QSOX1: variants seen among roughly 807,000 people sequenced by gnomAD.
QSOX1 encodes the protein quiescin sulfhydryl oxidase 1.
A neutral mutation model predicts 76.1 loss-of-function variants in QSOX1; 40 were observed. That is an observed-to-expected ratio of 0.53 (90% CI 0.41 to 0.68). The LOEUF is 0.68. Among genes scored for constraint, QSOX1 ranks in the 30% least tolerant of loss-of-function variants. The probability of loss-of-function intolerance (pLI) is 0.00; values close to 1 mark genes in which losing one functional copy is unlikely to be tolerated. For synonymous variants in QSOX1, 392 were observed against 413.1 expected, an observed-to-expected ratio of 0.95 and a Z score of 0.62; for missense variants, 931 against 974.3, an observed-to-expected ratio of 0.96 and a Z score of 0.59.
rs562015822 is a variant in QSOX1, at chr1:180,188,095, C to T, written c.1018-1457C>T. Among the ~76,000 whole-genome samples, 27 of 152,322 alleles carry T rather than the reference C, an allele frequency of 1.8e-4. No individual in the cohort carries two copies. In the East Asian group the frequency reaches 4.8e-3, roughly 27 times the overall value. On this transcript the variant is annotated intron_variant, in intron 8 of 11. Transcript: ENST00000367602. ...GAAACAAAGCCCCAGAGAACTAAAG[C>T]ACCTTGCCAGGGTCTTCCAGCTAGT...
Position 180,197,521 on chromosome 1 carries a change from T to G in QSOX1, c.*484T>G. The G allele has an allele frequency of 2.0e-6, 2 of 983,186 alleles. No individual in the cohort carries two copies. Among genetic ancestry groups the G allele is most frequent in the Non-Finnish European group, 3.0e-6 (2 of 664,020 alleles). The allele number at this position is 983,186 out of a possible 1,614,324, so 60.9% of individuals were successfully genotyped here. A position where few individuals can be genotyped will look rare whatever the true frequency, so the allele number is the denominator to read the frequency against. On this transcript the variant is annotated 3_prime_UTR_variant, in exon 12 of 12. Transcript: ENST00000367602. ...GGACAATGAAGAAGCCTTTGCACCCTGGGAGGAAGGACCACCCCGGGCCCT... is the reference window on the plus strand; with the variant it reads ...GGACAATGAAGAAGCCTTTGCACCCGGGGAGGAAGGACCACCCCGGGCCCT...
intron 10 of QSOX1, 46 bp from the exon 11 acceptor site, chr1:180,194,167 C>T (rs1345941689): frequency 1.3e-6 from 2 of 1,549,414 alleles, no homozygotes; most frequent in East Asian, 2.4e-5. Flanking sequence ...GGCTGTGGGG[C>T]TGGCAGCCTG....
At chr1:180,191,906 G>C (rs1663324518) in intron 10 of QSOX1, among the ~76,000 whole-genome samples, 1 of 152,040 alleles carries the variant, frequency 6.6e-6, no homozygotes, top group African/African-American at 2.4e-5. Context: ...GGAGGTGTCT[G>C]TGCTGGTTTC....
Position 180,173,277 on chromosome 1 carries a change from C to T in QSOX1, c.367-2044C>T, listed in dbSNP as rs55700062. ...GCACCTGACCTGGTTTATTATTTGTCGGCAAACCAAACCCCAAATAGATGT... is the reference window on the plus strand; with the variant it reads ...GCACCTGACCTGGTTTATTATTTGTTGGCAAACCAAACCCCAAATAGATGT... On this transcript the variant is annotated intron_variant, in intron 2 of 11. Coordinates refer to ENST00000367602, the MANE Select transcript of QSOX1 (RefSeq NM_002826.5). Among the ~76,000 whole-genome samples the T allele has an allele frequency of 0.022, 3,367 of 151,964 alleles. 190 individuals carry two copies. The East Asian group carries it at 0.23, about 10-fold the overall frequency.
intron 4 of QSOX1, 150 bp downstream of exon 4, chr1:180,176,183 A>C: frequency 1.5e-6 from 1 of 646,470 alleles, no homozygotes; most frequent in Non-Finnish European, 2.7e-6. Flanking sequence ...TGCTGGAGCT[A>C]CTCCAGAACC....
intron 11 of QSOX1, among the ~76,000 whole-genome samples, chr1:180,195,464 G>T (rs1663449331): frequency 6.6e-6 from 1 of 152,186 alleles, no homozygotes; most frequent in African/African-American, 2.4e-5. Flanking sequence ...TCAACAACTT[G>T]TCCCCCTATT....
intron 10 of QSOX1, among the ~76,000 whole-genome samples, chr1:180,193,738 T>G (rs954391440): frequency 6.6e-6 from 1 of 150,914 alleles, no homozygotes; most frequent in Non-Finnish European, 1.5e-5. Flanking sequence ...CGAGGAGAGA[T>G]GGAGACAGAT....
rs1274880136 is a variant in QSOX1, at chr1:180,198,688, C to T, written c.*1651C>T. On this transcript the variant is annotated 3_prime_UTR_variant, in exon 12 of 12. Coordinates refer to ENST00000367602, the MANE Select transcript of QSOX1 (RefSeq NM_002826.5). ...GCTGGGCTCCTGGGTTGGACTCCCT[C>T]TCTGTGCCCCTGCTCCAGGCACCCA... The T allele has an allele frequency of 6.1e-6, 2 of 326,522 alleles. No individual in the cohort carries two copies. Among genetic ancestry groups the T allele is most frequent in the Admixed American group, 4.0e-5 (1 of 25,182 alleles). The allele number at this position is 326,522 out of a possible 1,614,324, so 20.2% of individuals were successfully genotyped here.
At chr1:180,186,365 C>A (rs537018814) in intron 8 of QSOX1, among the ~76,000 whole-genome samples, 183 bp downstream of exon 8, 1 of 152,266 alleles carries the variant, frequency 6.6e-6, no homozygotes, top group East Asian at 1.9e-4. Flanking sequence ...ATACCCCACA[C>A]CAGCCCCACA....
At chr1:180,170,247 T>C (rs534241769) in intron 2 of QSOX1, among the ~76,000 whole-genome samples, 2 of 152,158 alleles carry the variant, frequency 1.3e-5, no homozygotes, top group African/African-American at 2.4e-5. Flanking sequence ...GACTCCAGGA[T>C]GTCTCCTGTC....
chr1:180,196,953 C>G lies in QSOX1; in HGVS notation c.2160C>G (p.Ser720=). ...ISLCVGLYSL[S]FMGLLAMYTY... Reference sequence around the variant, plus strand: ...TCTGTGTGGGGCTCTATTCCCTGTCCTTCATGGGCCTGCTGGCCATGTACA... The same window carrying G: ...TCTGTGTGGGGCTCTATTCCCTGTCGTTCATGGGCCTGCTGGCCATGTACA... The change falls in exon 12 of 12, where the codon TCC becomes TCG. Residue 720 remains serine, a synonymous_variant. Transcript: ENST00000367602. The surrounding 1 kb of genome is among the most constrained non-coding windows in gnomAD (Gnocchi z 4.1). 6.2e-7 allele frequency: 1 copy of G among 1,609,926 alleles called. No homozygotes were observed. The highest frequency in any genetic ancestry group is 8.5e-7 in the Non-Finnish European group (1 of 1,177,500).
At chr1:180,172,121 C>T (rs949340046) in intron 2 of QSOX1, among the ~76,000 whole-genome samples, 2 of 152,202 alleles carry the variant, frequency 1.3e-5, no homozygotes, top group South Asian at 2.1e-4. Flanking sequence ...TGCGGTTACT[C>T]GAGAAGGAAG....
rs943098733 is a variant in QSOX1 at position 180,176,117 on chromosome 1, G to A, written c.515+84G>A. Reference sequence around the variant, plus strand: ...GAGAGGGTGGTGGGAACAGCAGGGCGGGGACCCCAGTTTATTTTCCTTGCT... The same window carrying A: ...GAGAGGGTGGTGGGAACAGCAGGGCAGGGACCCCAGTTTATTTTCCTTGCT... On this transcript the variant is annotated intron_variant, in intron 4 of 11. Coordinates refer to ENST00000367602, the MANE Select transcript of QSOX1 (RefSeq NM_002826.5). 1.2e-5 allele frequency: 13 copies of A among 1,112,376 alleles called. No individual in the cohort carries two copies. The East Asian group carries it at 2.3e-4, about 20-fold the overall frequency. The allele number at this position is 1,112,376 out of a possible 1,614,324, so 68.9% of individuals were successfully genotyped here. A position where few individuals can be genotyped will look rare whatever the true frequency, so the allele number is the denominator to read the frequency against.
At position 180,178,785 on chromosome 1, in the gene QSOX1, C is replaced by G; in HGVS notation, c.516-9C>G. The stretch of plus-strand genomic sequence containing the variant: ...TGTGCAGAGTGACTGCCAGAATTGT[C>G]TCTTGCAGGCTGGAGGAGATTGATG... On this transcript the variant is annotated splice_polypyrimidine_tract_variant and intron_variant, in intron 4 of 11. Coordinates refer to ENST00000367602, the MANE Select transcript of QSOX1 (RefSeq NM_002826.5). 6.2e-7 allele frequency: 1 copy of G among 1,611,980 alleles called. No homozygotes were observed. Among genetic ancestry groups the G allele is most frequent in the South Asian group, 1.1e-5 (1 of 91,046 alleles).
At chr1:180,155,259 G>T in intron 1 of QSOX1, 87 bp downstream of exon 1, 2 of 1,254,218 alleles carry the variant, frequency 1.6e-6, no homozygotes, top group Non-Finnish European at 2.1e-6. Context: ...CTCCGGGAGC[G>T]CGTCCCTCTT....
At position 180,155,028 on chromosome 1, in the gene QSOX1, C is replaced by A. The variant is rs1028409575; in HGVS notation, c.121C>A (p.Pro41Thr). 1.8e-5 allele frequency: 27 copies of A among 1,513,614 alleles called. No homozygotes were observed. Among genetic ancestry groups the A allele is most frequent in the Middle Eastern group, 2.2e-4 (1 of 4,470 alleles). 93.8% of individuals were successfully genotyped at this position (1,513,614 alleles called of 1,614,324 possible). A position where few individuals can be genotyped will look rare whatever the true frequency, so the allele number is the denominator to read the frequency against. The change falls in exon 1 of 12, where the codon CCG (proline) becomes ACG (threonine). Residue 41 changes from proline to threonine, a missense_variant. Transcript: ENST00000367602. ...GTCGGCGCTCTATTCGCCTTCCGACCCGCTGACGCTGCTGCAGGCGGACAC... is the reference window on the plus strand; with the variant it reads ...GTCGGCGCTCTATTCGCCTTCCGACACGCTGACGCTGCTGCAGGCGGACAC... ...PRSALYSPSD[P>T]LTLLQADTVR...
intron 8 of QSOX1, among the ~76,000 whole-genome samples, chr1:180,186,981 T>C (rs751111396): frequency 1.3e-5 from 2 of 152,224 alleles, no homozygotes; most frequent in Non-Finnish European, 2.9e-5. Context: ...TCAGTACTGC[T>C]GAGTCAGATG....
intron 6 of QSOX1, among the ~76,000 whole-genome samples, chr1:180,182,574 C>T (rs61809061): frequency 0.054 from 8,204 of 152,178 alleles, 327 homozygotes; most frequent in Non-Finnish European, 0.084. Flanking sequence ...CGCCTGCACC[C>T]TCATTACGTC....
intron 2 of QSOX1, among the ~76,000 whole-genome samples, chr1:180,169,534 C>T (rs1473342745): frequency 6.6e-6 from 1 of 152,236 alleles, no homozygotes; most frequent in Non-Finnish European, 1.5e-5. Context: ...ATAACATCCA[C>T]CTAAGAGGAC....
Sources: gnomAD v4.1 joint callset for allele counts (sites outside exome capture counted in the v4.1 genomes callset) on GRCh38, gnomAD v4.1.1 for gene constraint, Gnocchi (gnomAD v3.1) non-coding constraint, MANE v1.5 for transcripts, NCBI Gene and HGNC (gene_info 2026-07-23, HGNC 2026-07-21) for gene names.